Variants in SPNS3 observed in about 807,000 individuals in gnomAD.
SPNS3 encodes protein spinster homolog 3.
In SPNS3, 51 loss-of-function variants were observed where a neutral mutation model predicts 54.4. The observed-to-expected ratio is 0.94, with a 90% CI of 0.75 to 1.18. The LOEUF (loss-of-function observed/expected upper bound fraction) is 1.18, where lower values mean the gene tolerates loss of function less well. SPNS3 is among the 50% of genes most tolerant of loss of function. The probability of loss-of-function intolerance (pLI) is 0.00; values close to 1 mark genes in which losing one functional copy is unlikely to be tolerated. For missense variants in SPNS3, 669 were observed against 677.4 expected (o/e 0.99, Z 0.14); for synonymous variants, 309 against 294.7 (o/e 1.05, Z -0.50).
chr17:4,455,017 G>A (rs1305207308), intron 8 of SPNS3, among the ~76,000 whole-genome samples: 7 of 151,922 alleles, frequency 4.6e-5, no homozygotes, highest in South Asian at 2.1e-4. Flanking sequence ...GGGTTCAAGC[G>A]ATTCTCCTGC....
At chr17:4,461,682 A>T (rs1971511236) in intron 8 of SPNS3, among the ~76,000 whole-genome samples, 1 of 152,040 alleles carries the variant, frequency 6.6e-6, no homozygotes, top group Admixed American at 6.6e-5. Context: ...TTGAAGGTAG[A>T]GCTATCAGAA....
intron 5 of SPNS3, among the ~76,000 whole-genome samples, 183 bp from the exon 6 acceptor site, chr17:4,447,972 G>C (rs1316294725): frequency 6.6e-6 from 1 of 152,202 alleles, no homozygotes; most frequent in African/African-American, 2.4e-5. Flanking sequence ...GGTGAGGGCT[G>C]AGAAACAGTG....
rs750719034 is a variant in SPNS3, at chr17:4,486,629, G to T, written c.1450+46G>T. 1 of 1,563,818 alleles carries T rather than the reference G, an allele frequency of 6.4e-7. No individual in the cohort carries two copies. Among genetic ancestry groups the T allele is most frequent in the Admixed American group, 1.9e-5 (1 of 52,552 alleles). On this transcript the variant is annotated intron_variant, in intron 11 of 11. Coordinates refer to ENST00000355530, the MANE Select transcript of SPNS3 (RefSeq NM_182538.5). This position sits in a 1 kb window ranked among gnomAD's most constrained non-coding sequence, Gnocchi z 5.5. ...GGCCCGGCTCAGGGCCGGCACCCTA[G>T]GGACAGACAGCACTGGCCACCCCCT... is the stretch of plus-strand genomic sequence containing the variant.
chr17:4,441,688 C>T (rs939438294), intron 2 of SPNS3, among the ~76,000 whole-genome samples: 23 of 151,912 alleles, frequency 1.5e-4, no homozygotes, highest in African/African-American at 4.6e-4. Context: ...CCTCTGACTC[C>T]TGGGTTCAAG....
intron 11 of SPNS3, among the ~76,000 whole-genome samples, chr17:4,487,023 T>G (rs1477696894): frequency 1.3e-5 from 2 of 151,432 alleles, no homozygotes; most frequent in Non-Finnish European, 2.9e-5. Context: ...AATATAAAAA[T>G]TAGCCAGGTG....
Position 4,441,983 on chromosome 17 carries a change from A to AGTGTGT in SPNS3, c.265+2289_265+2294dup, listed in dbSNP as rs373836833. ...ACAAGTCCTGGGCCACGGAGGGAGA[A>AGTGTGT]GTGTGTGTGTGTGTGTGTGTGTGTG... On this transcript the variant is annotated intron_variant, in intron 2 of 11. Coordinates refer to ENST00000355530, the MANE Select transcript of SPNS3 (RefSeq NM_182538.5). Among the ~76,000 whole-genome samples, 1,030 of 139,092 alleles carry AGTGTGT rather than the reference A, an allele frequency of 7.4e-3. 8 individuals carry two copies. The highest frequency in any genetic ancestry group is 0.019 in the Middle Eastern group (5 of 266). 91.2% of individuals were successfully genotyped at this position (139,092 alleles called of 152,430 possible). A position where few individuals can be genotyped will look rare whatever the true frequency, so the allele number is the denominator to read the frequency against.
chr17:4,477,364 C>T (rs1972030203), intron 8 of SPNS3, among the ~76,000 whole-genome samples: 1 of 152,218 alleles, frequency 6.6e-6, no homozygotes, highest in African/African-American at 2.4e-5. Context: ...TGGGTGCTCC[C>T]TGGCCACTGA....
chr17:4,443,157 A>G (rs1431613876), intron 2 of SPNS3, among the ~76,000 whole-genome samples: 1 of 151,488 alleles, frequency 6.6e-6, no homozygotes, highest in Non-Finnish European at 1.5e-5. Flanking sequence ...TGCAACCTCC[A>G]CCTCCCAGGT....
chr17:4,472,706 T>C (rs1014361991), intron 8 of SPNS3, among the ~76,000 whole-genome samples: 1 of 150,794 alleles, frequency 6.6e-6, no homozygotes, highest in South Asian at 2.1e-4. Context: ...GTGAATGGCT[T>C]TGGGGAGGGG....
intron 8 of SPNS3, among the ~76,000 whole-genome samples, chr17:4,463,935 C>T (rs986009971): frequency 8.0e-4 from 122 of 152,168 alleles, no homozygotes; most frequent in African/African-American, 2.7e-3. Flanking sequence ...ATGCAGATAA[C>T]TGCGTGGGAC....
intron 8 of SPNS3, among the ~76,000 whole-genome samples, chr17:4,476,777 G>A (rs1467708461): frequency 6.6e-6 from 1 of 152,204 alleles, no homozygotes; most frequent in African/African-American, 2.4e-5. Flanking sequence ...TTGGGTGCCA[G>A]GGACCAGGCA....
intron 4 of SPNS3, 107 bp from the exon 5 acceptor site, chr17:4,446,789 G>A: frequency 6.8e-6 from 7 of 1,027,934 alleles, no homozygotes; most frequent in Non-Finnish European, 1.1e-5. Flanking sequence ...CCTGCAGAGA[G>A]CCAGCTCCCT....
intron 8 of SPNS3, among the ~76,000 whole-genome samples, chr17:4,468,395 G>C (rs1971743408): frequency 6.6e-6 from 1 of 152,318 alleles, no homozygotes; most frequent in South Asian, 2.1e-4. Flanking sequence ...CTTGGACCAG[G>C]GTAGCTATGG....
chr17:4,441,247 G>A (rs1186532064), intron 2 of SPNS3, among the ~76,000 whole-genome samples: 1 of 152,222 alleles, frequency 6.6e-6, no homozygotes, highest in African/African-American at 2.4e-5. Context: ...TGAGAGCCAG[G>A]TGCAGTGGCT....
Position 4,445,081 on chromosome 17 carries a change from C to T in SPNS3, c.315C>T (p.Gly105=), listed in dbSNP as rs34689758. The change falls in exon 3 of 12, where the codon GGC becomes GGT. Residue 105 remains glycine, a synonymous_variant. Transcript: ENST00000355530. ...CTGCACCTGTGTTTGGCTACCTGGGCGACCGACATAGCCGCAAGGCTACCA... is the reference window on the plus strand; with the variant it reads ...CTGCACCTGTGTTTGGCTACCTGGGTGACCGACATAGCCGCAAGGCTACCA... ...LLSAPVFGYL[G]DRHSRKATMS... The T allele has an allele frequency of 2.9e-4, 474 of 1,614,154 alleles. 2 individuals carry two copies. The African/African-American group carries it at 4.8e-3, about 16-fold the overall frequency.
intron 9 of SPNS3, among the ~76,000 whole-genome samples, chr17:4,484,199 C>G (rs1454179529): frequency 6.6e-6 from 1 of 152,208 alleles, no homozygotes; most frequent in African/African-American, 2.4e-5. Flanking sequence ...ACTTGCCCTC[C>G]CTGTGGAGGT....
chr17:4,435,385 G>A (rs1970687181), intron 1 of SPNS3, among the ~76,000 whole-genome samples: 1 of 149,242 alleles, frequency 6.7e-6, no homozygotes, highest in Non-Finnish European at 1.5e-5. Context: ...TCCCACCATT[G>A]AGCCAAGATC....
chr17:4,445,938 T>A, intron 3 of SPNS3, 110 bp from the exon 4 acceptor site: 1 of 1,300,930 alleles, frequency 7.7e-7, no homozygotes, highest in Non-Finnish European at 1.1e-6. Context: ...CTCTCCCTAC[T>A]CTGGGGTCCT....
chr17:4,463,468 C>G (rs369921230), intron 8 of SPNS3, among the ~76,000 whole-genome samples: 3 of 151,112 alleles, frequency 2.0e-5, no homozygotes, highest in Non-Finnish European at 3.0e-5. Context: ...TGACTCATGC[C>G]TGTAATCCCA....
Sources: gnomAD v4.1 joint callset for allele counts (sites outside exome capture counted in the v4.1 genomes callset) on GRCh38, gnomAD v4.1.1 for gene constraint, Gnocchi (gnomAD v3.1) non-coding constraint, MANE v1.5 for transcripts, NCBI Gene and HGNC (gene_info 2026-07-23, HGNC 2026-07-21) for gene names.